The following TSHZ2 variants were observed in gnomAD, a reference collection of about 807,000 sequenced individuals.
TSHZ2 encodes teashirt zinc finger homeobox 2, also known as teashirt homolog 2.
TSHZ2 carries 21 observed loss-of-function variants against 74.4 expected under a neutral mutation model. The ratio of observed to expected loss-of-function variants is 0.28; its 90% CI spans 0.20 to 0.41. The LOEUF is 0.41. TSHZ2 is among the 10% of genes least tolerant of loss of function. The pLI, the probability that TSHZ2 is intolerant of heterozygous loss-of-function variation, is 1.00. For missense variants in TSHZ2, 1,244 were observed against 1,293.5 expected (o/e 0.96, Z 0.59); for synonymous variants, 540 against 515.3 (o/e 1.05, Z -0.65).
At chr20:53,438,797 C>T (rs902066635) in intron 2 of TSHZ2, among the ~76,000 whole-genome samples, 3 of 152,066 alleles carry the variant, frequency 2.0e-5, no homozygotes, top group Admixed American at 2.0e-4. Context: ...CCCGTCTCTA[C>T]AAAAATTACG....
At position 53,097,656 on chromosome 20, in the gene TSHZ2, G is replaced by A. The variant is rs1038942269; in HGVS notation, c.40+124323G>A. On this transcript the variant is annotated intron_variant, in intron 1 of 2. Transcript: ENST00000371497. ...TTGTTAGATTTAATGAAAACCAGAT[G>A]TGAGGACGATCTGGCTGTGACATCT... 7.2e-5 allele frequency: 11 copies of A among 152,542 alleles called. 1 individual carries two copies. The highest frequency in any genetic ancestry group is 6.5e-4 in the Admixed American group (10 of 15,288). 9.4% of individuals were successfully genotyped at this position (152,542 alleles called of 1,614,324 possible).
At chr20:53,314,287 C>CAAAAAAAAAAAAAAA (rs5841941) in intron 2 of TSHZ2, among the ~76,000 whole-genome samples, 1 of 131,708 alleles carries the variant, frequency 7.6e-6, no homozygotes, top group Non-Finnish European at 1.6e-5. Flanking sequence ...GACTCTGTCT[C>CAAAAAAAAAAAAAAA]AAAAAAAAAA....
intron 1 of TSHZ2, among the ~76,000 whole-genome samples, chr20:53,073,499 T>C (rs915416636): frequency 1.3e-5 from 2 of 152,246 alleles, no homozygotes; most frequent in African/African-American, 4.8e-5. Context: ...TAGAGACACA[T>C]CTGAAATATA....
chr20:53,051,086 C>T (rs1984442059), intron 1 of TSHZ2, among the ~76,000 whole-genome samples: 1 of 152,190 alleles, frequency 6.6e-6, no homozygotes, highest in African/African-American at 2.4e-5. Flanking sequence ...CTCCTGTAAT[C>T]CCAACACTTT....
At chr20:53,261,143 T>C (rs1990592756) in intron 2 of TSHZ2, among the ~76,000 whole-genome samples, 1 of 152,190 alleles carries the variant, frequency 6.6e-6, no homozygotes, top group African/African-American at 2.4e-5. Context: ...CCTTGCCTGA[T>C]GGTTTCTAGG....
intron 2 of TSHZ2, among the ~76,000 whole-genome samples, chr20:53,386,784 A>T (rs1239155014): frequency 6.6e-6 from 1 of 152,146 alleles, no homozygotes. Flanking sequence ...TAATCACTGG[A>T]TGAAAGGATT....
chr20:53,358,303 G>GGA (rs571968871), intron 2 of TSHZ2, among the ~76,000 whole-genome samples: 1 of 100,556 alleles, frequency 9.9e-6, no homozygotes, highest in Non-Finnish European at 1.9e-5. Context: ...AGACCAGGCA[G>GGA]AAAAAAAAAA....
At chr20:53,071,104 G>A (rs1272867018) in intron 1 of TSHZ2, among the ~76,000 whole-genome samples, 1 of 152,164 alleles carries the variant, frequency 6.6e-6, no homozygotes, top group African/African-American at 2.4e-5. Flanking sequence ...GACTCCTCGA[G>A]TGAGAATTTT....
At chr20:53,389,539 T>G (rs1473075836) in intron 2 of TSHZ2, among the ~76,000 whole-genome samples, 1 of 152,148 alleles carries the variant, frequency 6.6e-6, no homozygotes, top group East Asian at 1.9e-4. Context: ...GACTAGCAAA[T>G]GCTAGGAGGA....
intron 1 of TSHZ2, chr20:53,178,566 C>T (rs1475240013): frequency 1.3e-5 from 2 of 152,104 alleles, no homozygotes; most frequent in East Asian, 1.9e-4. Flanking sequence ...GGAACCCTCG[C>T]ATATTAAATG....
chr20:53,053,634 C>T (rs1279956422), intron 1 of TSHZ2, among the ~76,000 whole-genome samples: 1 of 151,958 alleles, frequency 6.6e-6, no homozygotes, highest in Non-Finnish European at 1.5e-5. Flanking sequence ...GACTTGTGCT[C>T]TTTAGGGAAA....
intron 2 of TSHZ2, among the ~76,000 whole-genome samples, chr20:53,440,776 T>A (rs1011498480): frequency 5.9e-5 from 9 of 152,174 alleles, no homozygotes; most frequent in African/African-American, 2.2e-4. Context: ...ACTCTTTAAG[T>A]ATGCAAACAC....
At chr20:53,265,925 T>C (rs1414983344) in intron 2 of TSHZ2, among the ~76,000 whole-genome samples, 1 of 152,200 alleles carries the variant, frequency 6.6e-6, no homozygotes, top group African/African-American at 2.4e-5. Flanking sequence ...TCTTTCTTTT[T>C]ACCAATATTT....
At chr20:53,375,617 G>T (rs1218200369) in intron 2 of TSHZ2, among the ~76,000 whole-genome samples, 7 of 152,054 alleles carry the variant, frequency 4.6e-5, no homozygotes, top group African/African-American at 1.7e-4. Flanking sequence ...GCCACACCAG[G>T]GAACCACAGG....
intron 1 of TSHZ2, among the ~76,000 whole-genome samples, chr20:53,008,038 T>A (rs1382386910): frequency 6.6e-6 from 1 of 152,082 alleles, no homozygotes; most frequent in Non-Finnish European, 1.5e-5. Context: ...CCAATTCCAC[T>A]GAATTGTATG....
At chr20:53,037,315 G>C (rs754469722) in intron 1 of TSHZ2, among the ~76,000 whole-genome samples, 3 of 152,154 alleles carry the variant, frequency 2.0e-5, no homozygotes, top group Non-Finnish European at 2.9e-5. Context: ...GTACAAAAGT[G>C]AAATCCCTAA....
At chr20:53,157,730 T>C (rs554939672) in intron 1 of TSHZ2, among the ~76,000 whole-genome samples, 1 of 152,340 alleles carries the variant, frequency 6.6e-6, no homozygotes, top group East Asian at 1.9e-4. Context: ...TGAAACTGAT[T>C]TACTTCTGCT....
chr20:53,417,624 C>T (rs537175579), intron 2 of TSHZ2, among the ~76,000 whole-genome samples: 34 of 152,188 alleles, frequency 2.2e-4, no homozygotes, highest in South Asian at 2.1e-3. Flanking sequence ...TTTAGAATAA[C>T]GTGATAGGAA....
At chr20:53,099,099 C>T (rs1986142295) in intron 1 of TSHZ2, among the ~76,000 whole-genome samples, 1 of 152,150 alleles carries the variant, frequency 6.6e-6, no homozygotes, top group Non-Finnish European at 1.5e-5. Context: ...TCCCCCACCA[C>T]CTCCCAGCTC....
Sources: gnomAD v4.1 joint callset for allele counts (sites outside exome capture counted in the v4.1 genomes callset) on GRCh38, gnomAD v4.1.1 for gene constraint, MANE v1.5 for transcripts, NCBI Gene and HGNC (gene_info 2026-07-23, HGNC 2026-07-21) for gene names.